Variants in COQ8A observed in about 807,000 individuals in gnomAD.
COQ8A encodes the protein coenzyme Q8A.
A neutral mutation model predicts 65.0 loss-of-function variants in COQ8A; 51 were observed. That is an observed-to-expected ratio of 0.78 (90% CI 0.63 to 0.99). The LOEUF is 0.99. Among genes scored for constraint, COQ8A ranks in the 50% least tolerant of loss-of-function variants. The pLI is 0.00. For missense variants in COQ8A, 940 were observed against 875.0 expected (o/e 1.07, Z -0.94); for synonymous variants, 371 against 353.2 (o/e 1.05, Z -0.57).
At chr1:226,978,081 G>C (rs1326619626) in intron 5 of COQ8A, among the ~76,000 whole-genome samples, 1 of 83,302 alleles carries the variant, frequency 1.2e-5, no homozygotes, top group Non-Finnish European at 2.5e-5. Flanking sequence ...CCTTACCCCT[G>C]CACACCCACC....
At chr1:226,954,556 G>C (rs969455124) in intron 1 of COQ8A, among the ~76,000 whole-genome samples, 1 of 152,252 alleles carries the variant, frequency 6.6e-6, no homozygotes. Context: ...TAAGGTGATT[G>C]AGACGTTCGC....
intron 4 of COQ8A, 142 bp from the exon 5 acceptor site, chr1:226,977,307 C>A: frequency 1.4e-6 from 1 of 715,806 alleles, no homozygotes; most frequent in Non-Finnish European, 2.3e-6. Flanking sequence ...CCTTGTTCCC[C>A]ACTTTTCAAA....
At chr1:226,941,424 G>C (rs1656683201) in intron 1 of COQ8A, among the ~76,000 whole-genome samples, 1 of 152,174 alleles carries the variant, frequency 6.6e-6, no homozygotes, top group African/African-American at 2.4e-5. Flanking sequence ...TTGGAGGAAG[G>C]CCTTTCTCCC....
rs2148130269 is a variant in COQ8A at position 226,983,597 on chromosome 1, A to G, written c.1126A>G (p.Met376Val). The change falls in exon 9 of 15, where the codon ATG becomes GTG. Residue 376 changes from methionine to valine, a missense_variant. Transcript: ENST00000366777. ...QSINSDVNNL[M>V]AVLNMSNMLP... Reference sequence around the variant, plus strand: ...CATCAACAGTGATGTCAACAACCTCATGGCCGTGTTGAACATGAGCAACAT... The same window carrying G: ...CATCAACAGTGATGTCAACAACCTCGTGGCCGTGTTGAACATGAGCAACAT... 6.2e-7 allele frequency: 1 copy of G among 1,613,146 alleles called. No individual in the cohort carries two copies. Among genetic ancestry groups the G allele is most frequent in the Non-Finnish European group, 8.5e-7 (1 of 1,179,252 alleles).
In COQ8A at chr1:226,984,168, C is replaced by CCACAG. The variant is rs748972160; in HGVS notation, c.1332_1336dup (p.Glu446AlafsTer33). 3.1e-6 allele frequency: 5 copies of CCACAG among 1,613,770 alleles called. No individual in the cohort carries two copies. The highest frequency in any genetic ancestry group is 3.4e-6 in the Non-Finnish European group (4 of 1,180,006). On this transcript the variant is annotated frameshift_variant, in exon 11 of 15. Transcript: ENST00000366777. LOFTEE classifies it high-confidence loss of function. ...GAGCTCTGCAGCCCACATGTGCTGACCACAGAGCTGGTGTCTGGCTTCCCC... is the reference window on the plus strand; with the variant it reads ...GAGCTCTGCAGCCCACATGTGCTGACCACAGCACAGAGCTGGTGTCTGGCTTCCCC...
chr1:226,977,601 GCT>G lies in COQ8A; in HGVS notation c.730+81_730+82del, dbSNP rs964005891. On this transcript the variant is annotated intron_variant, in intron 5 of 14. Coordinates refer to ENST00000366777, the MANE Select transcript of COQ8A (RefSeq NM_020247.5). The stretch of plus-strand genomic sequence containing the variant: ...CCTGTCAGCCCCCAGCCCCACCTGT[GCT>G]CTGGGAGTGTCAGCCAGCTGGGCCG... 4.8e-6 allele frequency: 7 copies of G among 1,469,536 alleles called. No homozygotes were observed. The Admixed American group carries it at 1.0e-4, about 21-fold the overall frequency. The allele number at this position is 1,469,536 out of a possible 1,614,324, so 91.0% of individuals were successfully genotyped here.
At chr1:226,982,505 G>A (rs1430663421) in intron 6 of COQ8A, 173 bp from the exon 7 acceptor site, 12 of 758,020 alleles carry the variant, frequency 1.6e-5, no homozygotes, top group East Asian at 1.1e-4. Flanking sequence ...TGGGGCTCCC[G>A]GGAAGCTGAG....
chr1:226,985,140 T>C lies in COQ8A; in HGVS notation c.1573-114T>C. 14 of 1,304,402 alleles carry C rather than the reference T, an allele frequency of 1.1e-5. 1 individual carries two copies. In the South Asian group the frequency reaches 1.4e-4, roughly 13 times the overall value. 80.8% of individuals were successfully genotyped at this position (1,304,402 alleles called of 1,614,324 possible). ...GTGTCACAGCACTGGCCGGGGGCCC[T>C]GTGCAGGGAGAGGATGAGGGTGGGG... is the stretch of plus-strand genomic sequence containing the variant. On this transcript the variant is annotated intron_variant, in intron 13 of 14. Transcript: ENST00000366777.
At chr1:226,963,439 C>T (rs1658375588) in intron 2 of COQ8A, among the ~76,000 whole-genome samples, 1 of 152,158 alleles carries the variant, frequency 6.6e-6, no homozygotes, top group Admixed American at 6.5e-5. Context: ...CCTGGGGACC[C>T]CCCCACTGGC....
At chr1:226,960,215 G>GTGGTACT in intron 1 of COQ8A, among the ~76,000 whole-genome samples, 1 of 146,888 alleles carries the variant, frequency 6.8e-6, no homozygotes, top group Admixed American at 6.8e-5. Context: ...GGTGGTGGTG[G>GTGGTACT]TGGTGGTGAT....
In COQ8A at chr1:226,984,948, G is replaced by A. The variant is rs371874740; in HGVS notation, c.1572+7G>A. On this transcript the variant is annotated splice_region_variant and intron_variant, in intron 13 of 14. Transcript: ENST00000366777. ...CACCGACCTCTACATTCAGGTAACT[G>A]GAGAGGGGCCCTGGCCTTGGTCCAT... 243 of 1,614,004 alleles carry A rather than the reference G, an allele frequency of 1.5e-4. 1 individual carries two copies. The highest frequency in any genetic ancestry group is 2.0e-4 in the Non-Finnish European group (237 of 1,180,020).
At chr1:226,976,652 G>A (rs979574490) in intron 4 of COQ8A, among the ~76,000 whole-genome samples, 2 of 152,202 alleles carry the variant, frequency 1.3e-5, no homozygotes, top group Non-Finnish European at 2.9e-5. Flanking sequence ...TGGCATTAGT[G>A]GCACCTTCTG....
rs1657265151 is a variant in COQ8A, at chr1:226,949,822, A to G, written c.-10+9423A>G. Among the ~76,000 whole-genome samples, 1 of 152,228 alleles carries G rather than the reference A, an allele frequency of 6.6e-6. No individual in the cohort carries two copies. The highest frequency in any genetic ancestry group is 1.5e-5 in the Non-Finnish European group (1 of 68,030). ...TACTATATGTCCTGAATGCTGTTAC[A>G]TGGATTTATCCAGTCCTTTCAAGAA... On this transcript the variant is annotated intron_variant, in intron 1 of 14. Coordinates refer to ENST00000366777, the MANE Select transcript of COQ8A (RefSeq NM_020247.5). This position sits in a 1 kb window ranked among gnomAD's most constrained non-coding sequence, Gnocchi z 4.0.
intron 10 of COQ8A, 50 bp from the exon 11 acceptor site, chr1:226,984,044 G>A (rs746698209): frequency 3.0e-6 from 4 of 1,340,106 alleles, no homozygotes; most frequent in Admixed American, 3.5e-5. Flanking sequence ...TGGGGGGGGG[G>A]ACGGTGTGGA....
Position 226,978,789 on chromosome 1 carries a change from T to A in COQ8A, c.730+1266T>A, listed in dbSNP as rs1280428894. Among the ~76,000 whole-genome samples, 73 of 88,890 alleles carry A rather than the reference T, an allele frequency of 8.2e-4. 3 individuals are homozygous for A. The highest frequency in any genetic ancestry group is 2.4e-3 in the African/African-American group (67 of 27,720). 58.3% of individuals were successfully genotyped at this position (88,890 alleles called of 152,430 possible). A position where few individuals can be genotyped will look rare whatever the true frequency, so the allele number is the denominator to read the frequency against. ...CCGCATACCTCCGTACACACCCACC[T>A]CTCACCCGCACAGCTCCTTACACAC... On this transcript the variant is annotated intron_variant, in intron 5 of 14. Coordinates refer to ENST00000366777, the MANE Select transcript of COQ8A (RefSeq NM_020247.5).
intron 10 of COQ8A, 77 bp from the exon 11 acceptor site, chr1:226,984,017 T>A (rs551236927): frequency 5.0e-6 from 7 of 1,396,646 alleles, no homozygotes; most frequent in Admixed American, 3.9e-5. Context: ...GCCCTCTGCC[T>A]GGTTGGGGGG....
At chr1:226,970,339 C>T (rs766614601) in intron 4 of COQ8A, among the ~76,000 whole-genome samples, 1 of 152,220 alleles carries the variant, frequency 6.6e-6, no homozygotes, top group African/African-American at 2.4e-5. Flanking sequence ...AGTGTACTTA[C>T]ACAAACCTAG....
chr1:226,985,461 T>C, intron 14 of COQ8A, 121 bp downstream of exon 14: 1 of 1,116,914 alleles, frequency 9.0e-7, no homozygotes, highest in Non-Finnish European at 1.3e-6. Flanking sequence ...CCGGGCCTCC[T>C]TGGGCACGGT....
chr1:226,961,651 A>G, intron 2 of COQ8A, 89 bp downstream of exon 2: 1 of 1,466,446 alleles, frequency 6.8e-7, no homozygotes, highest in Non-Finnish European at 9.1e-7. Flanking sequence ...GACCATGGCA[A>G]CTGGTCTTTG....
Sources: allele counts gnomAD v4.1 joint callset (sites outside exome capture counted in the v4.1 genomes callset), GRCh38; gene constraint gnomAD v4.1.1; non-coding constraint Gnocchi (gnomAD v3.1); transcripts MANE v1.5; gene names NCBI Gene and HGNC (gene_info 2026-07-23, HGNC 2026-07-21).